Variants in PLD5 observed in about 807,000 individuals in gnomAD.
PLD5 encodes the protein inactive phospholipase D5.
Under a neutral mutation model 61.1 loss-of-function variants are expected in PLD5, and 36 were observed. The observed-to-expected ratio is 0.59, with a 90% confidence interval of 0.45 to 0.78. PLD5 has a LOEUF of 0.78. PLD5 is among the 30% of genes least tolerant of loss of function. The pLI is 0.00. For missense variants in PLD5, 515 were observed against 644.4 expected (o/e 0.80, Z 2.17); for synonymous variants, 243 against 242.8 (o/e 1.00, Z -0.01).
rs376769488 is a variant in PLD5, at chr1:242,397,154, C to T, written c.190-48912G>A. Among the ~76,000 whole-genome samples the T allele has an allele frequency of 4.1e-4, 62 of 152,146 alleles. 1 individual carries two copies. Among genetic ancestry groups the T allele is most frequent in the South Asian group, 1.7e-3 (8 of 4,816 alleles). On this transcript the variant is annotated intron_variant, in intron 1 of 9. Coordinates refer to ENST00000536534, the MANE Select transcript of PLD5 (RefSeq NM_001372062.1). The stretch of plus-strand genomic sequence containing the variant: ...TATTTTAAATACCACTAAACCCTGA[C>T]AATTTTGACATTTTTATCTCTACAT...
chr1:242,382,539 T>G (rs1194615821), intron 1 of PLD5, among the ~76,000 whole-genome samples: 1 of 152,144 alleles, frequency 6.6e-6, no homozygotes, highest in African/African-American at 2.4e-5. Context: ...TGCCCCAAGT[T>G]GCTAAGCTGT....
intron 1 of PLD5, among the ~76,000 whole-genome samples, chr1:242,398,911 G>C (rs1347252733): frequency 1.3e-5 from 2 of 152,156 alleles, no homozygotes; most frequent in Admixed American, 6.5e-5. Flanking sequence ...TTTAAGGATT[G>C]AAGTTGTCCA....
At chr1:242,169,171 T>C (rs1018570982) in intron 5 of PLD5, among the ~76,000 whole-genome samples, 6 of 152,108 alleles carry the variant, frequency 3.9e-5, no homozygotes, top group Middle Eastern at 3.4e-3. Flanking sequence ...TAGGAACAGC[T>C]CTAGTCTGCA....
chr1:242,182,804 C>T (rs536467679), intron 5 of PLD5, among the ~76,000 whole-genome samples: 3 of 152,114 alleles, frequency 2.0e-5, no homozygotes, highest in East Asian at 1.9e-4. Flanking sequence ...GATCGCGCCA[C>T]TGCACTCCAG....
chr1:242,347,710 G>A (rs1660217699), intron 2 of PLD5, among the ~76,000 whole-genome samples: 2 of 152,148 alleles, frequency 1.3e-5, no homozygotes, highest in South Asian at 4.1e-4. Context: ...ACGTTAAGTT[G>A]GAATTTTCCC....
chr1:242,128,295 A>G (rs1238546241), intron 5 of PLD5, among the ~76,000 whole-genome samples: 1 of 146,738 alleles, frequency 6.8e-6, no homozygotes, highest in African/African-American at 2.6e-5. Flanking sequence ...ACAGAGCAAG[A>G]TCCTGTCTCA....
chr1:242,395,072 AAT>A (rs1255234192), intron 1 of PLD5, among the ~76,000 whole-genome samples: 12 of 115,582 alleles, frequency 1.0e-4, no homozygotes, highest in African/African-American at 2.7e-4. Context: ...TATATATATG[AAT>A]ATATATGTAT....
At chr1:242,237,594 C>T (rs569246542) in intron 4 of PLD5, among the ~76,000 whole-genome samples, 2 of 152,332 alleles carry the variant, frequency 1.3e-5, no homozygotes, top group African/African-American at 2.4e-5. Flanking sequence ...TCTGGTGATG[C>T]TCAGTAACAG....
chr1:242,181,890 C>T (rs1667545026), intron 5 of PLD5, among the ~76,000 whole-genome samples: 1 of 152,066 alleles, frequency 6.6e-6, no homozygotes, highest in Non-Finnish European at 1.5e-5. Context: ...ATCCACCTGC[C>T]CTGACCTCCC....
intron 4 of PLD5, among the ~76,000 whole-genome samples, chr1:242,241,660 C>T (rs1574591996): frequency 6.6e-6 from 1 of 151,814 alleles, no homozygotes; most frequent in South Asian, 2.1e-4. Context: ...GGCCTGGAAA[C>T]TTCTACAGGC....
At chr1:242,345,509 G>C in intron 2 of PLD5, 1 of 778,502 alleles carries the variant, frequency 1.3e-6, no homozygotes, top group Admixed American at 1.7e-5. Flanking sequence ...GGCAAGGGAT[G>C]AGATGGATGG....
In PLD5 at chr1:242,393,550, A is replaced by G. The variant is rs534949789; in HGVS notation, c.190-45308T>C. On this transcript the variant is annotated intron_variant, in intron 1 of 9. Coordinates refer to ENST00000536534, the MANE Select transcript of PLD5 (RefSeq NM_001372062.1). Reference sequence around the variant, plus strand: ...TATATATGTGAGTATATATATGTGTATATATATGAGTATATATGTGTATAT... The same window carrying G: ...TATATATGTGAGTATATATATGTGTGTATATATGAGTATATATGTGTATAT... Among the ~76,000 whole-genome samples the G allele has an allele frequency of 6.0e-4, 56 of 93,784 alleles. 10 individuals carry two copies. The highest frequency in any genetic ancestry group is 2.6e-3 in the African/African-American group (53 of 20,562). 61.5% of individuals were successfully genotyped at this position (93,784 alleles called of 152,430 possible). A position where few individuals can be genotyped will look rare whatever the true frequency, so the allele number is the denominator to read the frequency against.
intron 1 of PLD5, among the ~76,000 whole-genome samples, chr1:242,470,105 A>G (rs915308693): frequency 2.0e-5 from 3 of 152,042 alleles, no homozygotes; most frequent in Non-Finnish European, 2.9e-5. Context: ...ACTCTGGGAG[A>G]CGGAGGCGGG....
At chr1:242,446,500 C>G (rs777907758) in intron 1 of PLD5, among the ~76,000 whole-genome samples, 3 of 152,144 alleles carry the variant, frequency 2.0e-5, no homozygotes, top group African/African-American at 7.2e-5. Flanking sequence ...GAACCTTAGA[C>G]GTGGAGGTTG....
chr1:242,110,670 T>G (rs1332942879), intron 7 of PLD5, among the ~76,000 whole-genome samples: 1 of 151,940 alleles, frequency 6.6e-6, no homozygotes, highest in Non-Finnish European at 1.5e-5. Flanking sequence ...ATTAGCTCTG[T>G]GTGGTGGCAT....
intron 5 of PLD5, among the ~76,000 whole-genome samples, chr1:242,147,856 T>C (rs1379052984): frequency 6.6e-6 from 1 of 152,206 alleles, no homozygotes; most frequent in Admixed American, 6.5e-5. Flanking sequence ...TATTGGACTG[T>C]CTCTTTTCCT....
In PLD5 at chr1:242,297,935, G is replaced by A. The variant is rs577955399; in HGVS notation, c.327-9405C>T. On this transcript the variant is annotated intron_variant, in intron 2 of 9. Coordinates refer to ENST00000536534, the MANE Select transcript of PLD5 (RefSeq NM_001372062.1). The stretch of plus-strand genomic sequence containing the variant: ...ATTACAGGCGTGAGCCACCGCGCCC[G>A]GCCCGGATTCATGTTTCTTAATTCA... 2.0e-4 allele frequency among the ~76,000 whole-genome samples: 30 copies of A among 152,244 alleles called. No homozygotes were observed. In the South Asian group the frequency reaches 3.7e-3, roughly 19 times the overall value.
At chr1:242,193,860 A>T (rs1668435384) in intron 5 of PLD5, among the ~76,000 whole-genome samples, 1 of 152,218 alleles carries the variant, frequency 6.6e-6, no homozygotes, top group Non-Finnish European at 1.5e-5. Context: ...ATGTTTTATA[A>T]ACTAAGTGGA....
At chr1:242,441,760 G>A (rs1273772112) in intron 1 of PLD5, among the ~76,000 whole-genome samples, 7 of 151,932 alleles carry the variant, frequency 4.6e-5, no homozygotes, top group Admixed American at 3.9e-4. Flanking sequence ...CACCTTCTGC[G>A]AGAGCCCAAG....
Sources: gnomAD v4.1 joint callset for allele counts (sites outside exome capture counted in the v4.1 genomes callset) on GRCh38, gnomAD v4.1.1 for gene constraint, MANE v1.5 for transcripts, NCBI Gene and HGNC (gene_info 2026-07-23, HGNC 2026-07-21) for gene names.